CYRIB: variants seen among roughly 807,000 people sequenced by gnomAD.
CYRIB encodes the protein CYFIP-related Rac1 interactor B.
A neutral mutation model predicts 44.2 loss-of-function variants in CYRIB; 8 were observed. The observed-to-expected ratio is 0.18, with a 90% CI of 0.11 to 0.33. The LOEUF is 0.33. Ranked by LOEUF, CYRIB falls within the 10% of genes least tolerant of loss-of-function variation. The probability of loss-of-function intolerance (pLI) is 1.00; values close to 1 mark genes in which losing one functional copy is unlikely to be tolerated. For missense variants in CYRIB, 185 were observed against 382.8 expected, an observed-to-expected ratio of 0.48 and a Z score of 4.31; for synonymous variants, 131 against 127.2, an observed-to-expected ratio of 1.03 and a Z score of -0.20.
intron 2 of CYRIB, among the ~76,000 whole-genome samples, chr8:129,887,829 G>A (rs1241092799): frequency 6.6e-6 from 1 of 152,200 alleles, no homozygotes; most frequent in Non-Finnish European, 1.5e-5. Flanking sequence ...CCTTTTGGAA[G>A]GGGAGTATTT....
chr8:129,887,071 T>C (rs1165947005), intron 2 of CYRIB, among the ~76,000 whole-genome samples: 5 of 151,980 alleles, frequency 3.3e-5, no homozygotes, highest in African/African-American at 1.2e-4. Flanking sequence ...TCAAAGACAA[T>C]GGGGAAAATG....
upstream of CYRIB, chr8:130,016,928 A>C (rs1440278221): frequency 6.6e-6 from 1 of 152,186 alleles, no homozygotes; most frequent in Non-Finnish European, 1.5e-5. Context: ...CCCCAAGGTC[A>C]CTGCCTGTCA....
Position 129,918,368 on chromosome 8 carries a change from C to T in CYRIB, c.-49-15018G>A, listed in dbSNP as rs142719190. On this transcript the variant is annotated intron_variant, in intron 1 of 11. Coordinates refer to ENST00000519824, the Ensembl canonical transcript of CYRIB. ...TAATCCCATGGCTTTTTGTTCTACC[C>T]GCACACTAGAATGCTTTTTACGTTT... is the stretch of plus-strand genomic sequence containing the variant. 4.9e-4 allele frequency among the ~76,000 whole-genome samples: 74 copies of T among 152,224 alleles called. No homozygotes were observed. The South Asian group carries it at 0.01, about 21-fold the overall frequency.
chr8:129,924,812 T>A (rs75331132), intron 1 of CYRIB, among the ~76,000 whole-genome samples: 2,546 of 151,728 alleles, frequency 0.017, 81 homozygotes, highest in African/African-American at 0.058. Context: ...CAAAAAAATT[T>A]AAAAAAATAA....
chr8:129,889,493 G>A (rs766973724), intron 2 of CYRIB, among the ~76,000 whole-genome samples: 17 of 152,136 alleles, frequency 1.1e-4, no homozygotes, highest in Non-Finnish European at 1.6e-4. Flanking sequence ...AAAGTAAATT[G>A]AAAGCCTTCT....
At chr8:129,956,835 C>G (rs567737916) in intron 2 of CYRIB, among the ~76,000 whole-genome samples, 1 of 140,560 alleles carries the variant, frequency 7.1e-6, no homozygotes, top group Non-Finnish European at 1.5e-5. Context: ...CTCCCTCCCC[C>G]CAGCCTCTCT....
intron 1 of CYRIB, chr8:129,939,602 A>G (rs894454764): frequency 6.6e-6 from 1 of 151,516 alleles, no homozygotes; most frequent in Non-Finnish European, 1.5e-5. Context: ...AAAACCAATC[A>G]CTCACCCTCC....
At chr8:129,958,332 T>A (rs1314464586) in intron 2 of CYRIB, among the ~76,000 whole-genome samples, 1 of 152,164 alleles carries the variant, frequency 6.6e-6, no homozygotes, top group African/African-American at 2.4e-5. Flanking sequence ...AGCACACAAA[T>A]GACTTTTGGC....
At chr8:129,860,441 T>G (rs2048767432) in intron 5 of CYRIB, among the ~76,000 whole-genome samples, 1 of 152,124 alleles carries the variant, frequency 6.6e-6, no homozygotes, top group South Asian at 2.1e-4. Flanking sequence ...AGCTACAAAC[T>G]ATAGAGACTC....
intron 2 of CYRIB, among the ~76,000 whole-genome samples, chr8:129,889,082 T>C (rs569781886): frequency 4.6e-5 from 7 of 152,008 alleles, no homozygotes; most frequent in African/African-American, 7.2e-5. Context: ...GAGCTAGACT[T>C]TGTCTCAAAA....
chr8:129,968,779 A>G (rs2095581646), intron 2 of CYRIB, among the ~76,000 whole-genome samples: 2 of 152,142 alleles, frequency 1.3e-5, no homozygotes, highest in South Asian at 4.1e-4. Flanking sequence ...TTTTCCAGTC[A>G]AGTCAAGCTT....
intron 2 of CYRIB, among the ~76,000 whole-genome samples, chr8:129,896,329 T>C (rs1589011620): frequency 6.6e-6 from 1 of 152,200 alleles, no homozygotes; most frequent in East Asian, 1.9e-4. Flanking sequence ...TATGGAATAA[T>C]CCCTTAGTCT....
chr8:129,840,176 A>C (rs929199142), exon 12 of CYRIB: 3 of 163,082 alleles, frequency 1.8e-5, no homozygotes, highest in African/African-American at 7.2e-5. Flanking sequence ...ATTCCCTCAC[A>C]ATCCTGGAGG....
intron 1 of CYRIB, among the ~76,000 whole-genome samples, chr8:129,989,389 A>G (rs1169952604): frequency 6.6e-6 from 1 of 152,184 alleles, no homozygotes; most frequent in Non-Finnish European, 1.5e-5. Flanking sequence ...GCTGTTCTCA[A>G]GTTTCCATCT....
At chr8:129,982,638 A>G (rs1312147429) in intron 1 of CYRIB, among the ~76,000 whole-genome samples, 2 of 152,250 alleles carry the variant, frequency 1.3e-5, no homozygotes, top group Non-Finnish European at 2.9e-5. Flanking sequence ...AATGTATGGA[A>G]AGTGAAATGA....
At chr8:129,954,232 T>A (rs1564383394) in intron 2 of CYRIB, among the ~76,000 whole-genome samples, 1 of 151,568 alleles carries the variant, frequency 6.6e-6, no homozygotes, top group Non-Finnish European at 1.5e-5. Context: ...AATTTTTAAT[T>A]TTTTTTTTGA....
At chr8:129,994,240 G>A (rs968047574) in intron 1 of CYRIB, among the ~76,000 whole-genome samples, 1 of 151,824 alleles carries the variant, frequency 6.6e-6, no homozygotes. Flanking sequence ...GCCAAGGTAC[G>A]CCAAAGACTG....
intron 1 of CYRIB, among the ~76,000 whole-genome samples, chr8:130,004,098 C>G (rs895565317): frequency 1.3e-5 from 2 of 152,192 alleles, no homozygotes; most frequent in Non-Finnish European, 2.9e-5. Context: ...CAGCAGACAA[C>G]TAGACATCCA....
chr8:129,953,176 C>T (rs7008441), intron 2 of CYRIB, among the ~76,000 whole-genome samples: 2,404 of 152,242 alleles, frequency 0.016, 56 homozygotes, highest in African/African-American at 0.053. Context: ...TACAAAGCAA[C>T]GCACAACTGC....
Sources: gnomAD v4.1 joint callset for allele counts (sites outside exome capture counted in the v4.1 genomes callset) on GRCh38, gnomAD v4.1.1 for gene constraint, MANE v1.5 for transcripts, NCBI Gene and HGNC (gene_info 2026-07-23, HGNC 2026-07-21) for gene names.